The following RTF1 variants were observed in gnomAD, a reference collection of about 807,000 sequenced individuals.
The protein encoded by RTF1 is RNA polymerase-associated protein RTF1 homolog.
Under a neutral mutation model 95.7 loss-of-function variants are expected in RTF1, and 10 were observed. That is an observed-to-expected ratio of 0.10 (90% confidence interval 0.06 to 0.18). The LOEUF is 0.18. Among genes scored for constraint, RTF1 ranks in the 10% least tolerant of loss-of-function variants. The pLI is 1.00. For synonymous variants in RTF1, 305 were observed against 311.8 expected (o/e 0.98, Z 0.23); for missense variants, 458 against 875.6 (o/e 0.52, Z 6.02).
chr15:41,475,514 CT>C lies in RTF1; in HGVS notation c.1287-7del. 1 of 1,612,274 alleles carries C rather than the reference CT, an allele frequency of 6.2e-7. No homozygotes were observed. Among genetic ancestry groups the C allele is most frequent in the South Asian group, 1.1e-5 (1 of 90,982 alleles). ...CACATTTCTTGGAGATGCTGTCTCT[CT>C]TTTATGTAGGCATGGCAATGACCAA... On this transcript the variant is annotated splice_polypyrimidine_tract_variant and intron_variant, in intron 9 of 17. Coordinates refer to ENST00000389629, the MANE Select transcript of RTF1 (RefSeq NM_015138.5).
chr15:41,447,122 C>T (rs952798568), intron 2 of RTF1, among the ~76,000 whole-genome samples: 34 of 152,126 alleles, frequency 2.2e-4, no homozygotes, highest in African/African-American at 8.2e-4. Context: ...ATTCTTGAAC[C>T]TTACTTACTG....
chr15:41,435,462 A>G (rs2140950260), intron 1 of RTF1, among the ~76,000 whole-genome samples: 1 of 152,030 alleles, frequency 6.6e-6, no homozygotes, highest in South Asian at 2.1e-4. Context: ...GGTGTAGACC[A>G]CCGTGCCCAG....
intron 2 of RTF1, among the ~76,000 whole-genome samples, chr15:41,439,516 G>T (rs1199835367): frequency 6.6e-6 from 1 of 152,134 alleles, no homozygotes; most frequent in Non-Finnish European, 1.5e-5. Flanking sequence ...ACTGTTCATT[G>T]TCTAGACCAA....
intron 6 of RTF1, among the ~76,000 whole-genome samples, chr15:41,466,866 G>A (rs1327018656): frequency 6.6e-6 from 1 of 152,152 alleles, no homozygotes; most frequent in East Asian, 1.9e-4. Context: ...ACTACATCTC[G>A]TTTTTGTTGT....
chr15:41,459,736 T>A (rs1566844957), intron 4 of RTF1, among the ~76,000 whole-genome samples: 3 of 152,356 alleles, frequency 2.0e-5, no homozygotes, highest in Non-Finnish European at 4.4e-5. Flanking sequence ...GCATGGTTTT[T>A]GTATTTTTTT....
chr15:41,446,091 G>A (rs544876754), intron 2 of RTF1, among the ~76,000 whole-genome samples: 116 of 152,028 alleles, frequency 7.6e-4, no homozygotes, highest in African/African-American at 2.7e-3. Context: ...ATCAGGAACC[G>A]TGCCCTCTCA....
At chr15:41,478,441 CTT>C (rs113160783) in intron 14 of RTF1, 105 bp from the exon 15 acceptor site, 978 of 597,178 alleles carry the variant, frequency 1.6e-3, no homozygotes, top group South Asian at 2.7e-3. Flanking sequence ...AGGATAATAG[CTT>C]TTTTTTTTTT....
intron 5 of RTF1, 48 bp downstream of exon 5, chr15:41,464,933 AGTGTGTGTGTGTGTGTGTGT>A: frequency 1.5e-6 from 2 of 1,303,876 alleles, no homozygotes. Context: ...ACCTGTTTTG[AGTGTGTGTGTGTGTGTGTGT>A]GTGTGTGTGT....
intron 1 of RTF1, among the ~76,000 whole-genome samples, chr15:41,433,957 T>C (rs2050688919): frequency 6.6e-6 from 1 of 151,514 alleles, no homozygotes; most frequent in Non-Finnish European, 1.5e-5. Context: ...GCAATTCTTC[T>C]GCCTCAGCCT....
rs746938646 is a variant in RTF1 at position 41,475,542 on chromosome 15, G to C, written c.1304G>C (p.Arg435Pro). The change falls in exon 10 of 18, where the codon CGC (arginine) becomes CCC (proline). Residue 435 changes from arginine to proline, a missense_variant. Transcript: ENST00000389629. Reference protein sequence around the residue: ...GLQLRHGNDQRVFRLEFVSNQ... With the variant: ...GLQLRHGNDQPVFRLEFVSNQ... ...TTATGTAGGCATGGCAATGACCAAC[G>C]CGTGTTCCGTTTAGAGTTTGTCTCA... 1 of 1,614,076 alleles carries C rather than the reference G, an allele frequency of 6.2e-7. No individual in the cohort carries two copies. Among genetic ancestry groups the C allele is most frequent in the Non-Finnish European group, 8.5e-7 (1 of 1,179,942 alleles).
chr15:41,447,095 G>T (rs1311736587), intron 2 of RTF1, among the ~76,000 whole-genome samples: 2 of 152,056 alleles, frequency 1.3e-5, no homozygotes, highest in Non-Finnish European at 2.9e-5. Context: ...GAGCCACCAC[G>T]CCCAGCCCCA....
chr15:41,441,161 C>T (rs779157029), intron 2 of RTF1, among the ~76,000 whole-genome samples: 4 of 151,782 alleles, frequency 2.6e-5, no homozygotes, highest in South Asian at 4.2e-4. Context: ...TTAGTAGAGA[C>T]GGGGTTTCAC....
At chr15:41,447,485 T>C (rs1163842514) in intron 2 of RTF1, among the ~76,000 whole-genome samples, 1 of 152,196 alleles carries the variant, frequency 6.6e-6, no homozygotes, top group Non-Finnish European at 1.5e-5. Flanking sequence ...TTTCACTAGG[T>C]AATTGTTGCC....
Position 41,477,202 on chromosome 15 carries a change from A to G in RTF1, c.1598A>G (p.Lys533Arg), listed in dbSNP as rs563930076. The G allele has an allele frequency of 1.9e-5, 30 of 1,614,252 alleles. No homozygotes were observed. The highest frequency in any genetic ancestry group is 4.5e-5 in the East Asian group (2 of 44,888). The change falls in exon 13 of 18, where the codon AAA becomes AGA. Residue 533 changes from lysine to arginine, a missense_variant. Lys to Arg is a conservative substitution (Grantham distance 26, BLOSUM62 2). Around this residue, in one of 11 missense-constraint regions of RTF1, gnomAD observed 150 missense variants for 275.7 expected, o/e 0.54. Transcript: ENST00000389629. The stretch of plus-strand genomic sequence containing the variant: ...GACCTGGGGGATCAGGACAAGGCCA[A>G]ACAAATCCAAGATCAACTGAATGAG... Reference protein sequence around the residue: ...AEDLGDQDKAKQIQDQLNELE... With the variant: ...AEDLGDQDKARQIQDQLNELE...
chr15:41,440,669 T>A (rs2050729043), intron 2 of RTF1, among the ~76,000 whole-genome samples: 1 of 151,542 alleles, frequency 6.6e-6, no homozygotes, highest in Admixed American at 6.6e-5. Flanking sequence ...TTTTGTATTT[T>A]TGGTAGAGTC....
At chr15:41,464,008 T>C (rs1391412917) in intron 4 of RTF1, among the ~76,000 whole-genome samples, 3 of 151,922 alleles carry the variant, frequency 2.0e-5, no homozygotes, top group African/African-American at 4.8e-5. Flanking sequence ...CATGCCACCA[T>C]GCCCAGCTAA....
intron 1 of RTF1, among the ~76,000 whole-genome samples, chr15:41,420,513 C>T (rs1421931943): frequency 6.6e-6 from 1 of 152,120 alleles, no homozygotes; most frequent in African/African-American, 2.4e-5. Flanking sequence ...TCTGAGTCTT[C>T]ACTGGGGGTA....
intron 4 of RTF1, among the ~76,000 whole-genome samples, chr15:41,461,382 A>G (rs2050847797): frequency 1.3e-5 from 2 of 151,494 alleles, no homozygotes; most frequent in South Asian, 4.2e-4. Context: ...GGGTTTCACT[A>G]TGTTGGCCAG....
intron 1 of RTF1, among the ~76,000 whole-genome samples, chr15:41,426,689 GCCCCC>G (rs1566835701): frequency 1.3e-3 from 6 of 4,506 alleles, no homozygotes; most frequent in Admixed American, 4.0e-3. Flanking sequence ...GATCCACCCC[GCCCCC>G]CCCCCCCCCC....
Sources: gnomAD v4.1 joint callset for allele counts (sites outside exome capture counted in the v4.1 genomes callset) on GRCh38, gnomAD v4.1.1 for gene constraint, gnomAD v4.1.1 regional missense constraint, MANE v1.5 for transcripts, NCBI Gene and HGNC (gene_info 2026-07-23, HGNC 2026-07-21) for gene names.